Variants in SIK3 observed in about 807,000 individuals in gnomAD.
The protein encoded by SIK3 is serine/threonine-protein kinase SIK3.
A neutral mutation model predicts 144.2 loss-of-function variants in SIK3; 28 were observed. The ratio of observed to expected loss-of-function variants is 0.19; its 90% CI spans 0.14 to 0.27. SIK3 has a LOEUF of 0.27. Ranked by LOEUF, SIK3 falls within the 10% of genes least tolerant of loss-of-function variation. The pLI, the probability that SIK3 is intolerant of heterozygous loss-of-function variation, is 1.00. For missense variants in SIK3, 1,319 were observed against 1,776.0 expected, an observed-to-expected ratio of 0.74 and a Z score of 4.62; for synonymous variants, 686 against 676.3, an observed-to-expected ratio of 1.01 and a Z score of -0.22.
intron 4 of SIK3, among the ~76,000 whole-genome samples, chr11:116,917,532 G>C (rs1946709503): frequency 6.6e-6 from 1 of 151,868 alleles, no homozygotes; most frequent in African/African-American, 2.4e-5. Flanking sequence ...AGCAAAACGA[G>C]TCCCATCTCC....
At chr11:116,953,978 A>T in intron 3 of SIK3, 66 bp downstream of exon 3, 1 of 1,284,474 alleles carries the variant, frequency 7.8e-7, no homozygotes. Context: ...AAGGCACTGA[A>T]CAGCTATTTT....
rs1020984006 is a variant in SIK3 at position 116,863,655 on chromosome 11, C to T, written c.2103+13G>A. 9 of 1,613,942 alleles carry T rather than the reference C, an allele frequency of 5.6e-6. No individual in the cohort carries two copies. Among genetic ancestry groups the T allele is most frequent in the Non-Finnish European group, 7.6e-6 (9 of 1,179,990 alleles). On this transcript the variant is annotated intron_variant, in intron 16 of 24. Transcript: ENST00000445177. ...CATGCTCCTCCAGGGATGCCTGCCA[C>T]CTCTTCCATTACCTGCTGCAGCTGT...
chr11:117,036,436 C>T (rs1002432731), intron 1 of SIK3, among the ~76,000 whole-genome samples: 2 of 151,940 alleles, frequency 1.3e-5, no homozygotes, highest in African/African-American at 4.8e-5. Flanking sequence ...AAGAAAGAAG[C>T]CTTAAAATCC....
intron 1 of SIK3, among the ~76,000 whole-genome samples, chr11:116,993,216 C>G (rs994247417): frequency 6.6e-6 from 1 of 151,984 alleles, no homozygotes; most frequent in African/African-American, 2.4e-5. Flanking sequence ...CTTTAAAAAC[C>G]CCTCCCCACA....
At position 116,845,598 on chromosome 11, in the gene SIK3, C is replaced by T. The variant is rs1321727390; in HGVS notation, c.*45G>A. The stretch of plus-strand genomic sequence containing the variant: ...CTGCTAGATACTGTGGGTTTACAAT[C>T]AACCTTTTCATTCCCAAGCTGTACA... On this transcript the variant is annotated 3_prime_UTR_variant, in exon 25 of 25. Coordinates refer to ENST00000445177, the MANE Select transcript of SIK3 (RefSeq NM_001366686.3). The T allele has an allele frequency of 6.6e-6, 1 of 152,248 alleles. No homozygotes were observed. Among genetic ancestry groups the T allele is most frequent in the Non-Finnish European group, 1.5e-5 (1 of 68,042 alleles). 9.4% of individuals were successfully genotyped at this position (152,248 alleles called of 1,614,324 possible). A position where few individuals can be genotyped will look rare whatever the true frequency, so the allele number is the denominator to read the frequency against.
chr11:117,014,549 G>C (rs1386661012), intron 1 of SIK3, among the ~76,000 whole-genome samples: 1 of 151,754 alleles, frequency 6.6e-6, no homozygotes. Flanking sequence ...CTACAGAGGG[G>C]AAAAAAGATA....
chr11:116,886,635 C>T (rs145485140), intron 6 of SIK3, among the ~76,000 whole-genome samples: 60 of 152,286 alleles, frequency 3.9e-4, no homozygotes, highest in African/African-American at 1.2e-3. Context: ...CCTTCACTAA[C>T]GCTGCAGTTT....
intron 6 of SIK3, among the ~76,000 whole-genome samples, chr11:116,881,335 C>A (rs995628969): frequency 2.6e-5 from 4 of 152,002 alleles, no homozygotes; most frequent in African/African-American, 9.7e-5. Flanking sequence ...AAGCGGTCTC[C>A]GCAGTGAGAG....
intron 1 of SIK3, among the ~76,000 whole-genome samples, chr11:117,092,801 G>A (rs1475854134): frequency 5.3e-5 from 8 of 152,046 alleles, no homozygotes; most frequent in Non-Finnish European, 8.8e-5. Flanking sequence ...TCTCTTTTAC[G>A]CGATGAACTA....
At chr11:116,868,521 A>G (rs1319033240) in intron 14 of SIK3, among the ~76,000 whole-genome samples, 1 of 152,234 alleles carries the variant, frequency 6.6e-6, no homozygotes, top group Non-Finnish European at 1.5e-5. Context: ...GACTCTGTGC[A>G]TGTCTCTCGA....
rs757425181 is a variant in SIK3 at position 116,858,077 on chromosome 11, C to T, written c.3388G>A (p.Gly1130Arg). The T allele has an allele frequency of 1.6e-5, 26 of 1,613,568 alleles. 1 individual carries two copies. The Middle Eastern group carries it at 4.9e-4, about 31-fold the overall frequency. ...SQASSPTPPH[G>R]YAHQPALMHS... ...ATCAGTGCCGGCTGGTGAGCATACC[C>T]GTGGGGCGGGGTGGGTGAGGAAGCC... Residue 1130 changes from glycine (G) to arginine (R), a missense_variant, in exon 21 of 25, where the codon GGG (glycine) becomes AGG (arginine). Physicochemically the swap from Gly to Arg is moderately radical, Grantham distance 125. Around this residue, in one of 8 missense-constraint regions of SIK3, gnomAD observed 646 missense variants for 763.7 expected, o/e 0.85. Transcript: ENST00000445177. This position sits in a 1 kb window ranked among gnomAD's most constrained non-coding sequence, Gnocchi z 5.4.
At chr11:116,948,762 A>G (rs916236342) in intron 3 of SIK3, among the ~76,000 whole-genome samples, 2 of 151,806 alleles carry the variant, frequency 1.3e-5, no homozygotes, top group African/African-American at 4.8e-5. Flanking sequence ...TCTATTCTCT[A>G]TTTCATAATT....
chr11:116,940,231 GTTT>G (rs759117065), intron 3 of SIK3, among the ~76,000 whole-genome samples: 2 of 135,784 alleles, frequency 1.5e-5, no homozygotes. Flanking sequence ...AGGTTTTTTT[GTTT>G]TTTTTTTTTT....
At chr11:116,898,245 A>G (rs1209676527) in intron 4 of SIK3, among the ~76,000 whole-genome samples, 1 of 151,598 alleles carries the variant, frequency 6.6e-6, no homozygotes, top group Non-Finnish European at 1.5e-5. Flanking sequence ...TGTTCTTGCG[A>G]TAGTTTACTG....
intron 1 of SIK3, among the ~76,000 whole-genome samples, chr11:116,961,539 G>GTAAA (rs933270786): frequency 1.4e-4 from 21 of 152,124 alleles, no homozygotes; most frequent in African/African-American, 4.8e-4. Context: ...CACAACAAAG[G>GTAAA]TAAATCAGTA....
chr11:116,983,979 C>T (rs1273399875), intron 1 of SIK3, among the ~76,000 whole-genome samples: 2 of 139,590 alleles, frequency 1.4e-5, no homozygotes, highest in South Asian at 2.5e-4. Context: ...TGAGTCCAGG[C>T]GGCTGGGGCT....
At chr11:116,876,199 G>T (rs999992164) in intron 8 of SIK3, 54 bp downstream of exon 8, 8 of 1,540,840 alleles carry the variant, frequency 5.2e-6, no homozygotes, top group African/African-American at 1.4e-5. Context: ...AATGGAAAAA[G>T]CAGGTTAGAG....
chr11:117,012,487 C>A (rs887830235), intron 1 of SIK3, among the ~76,000 whole-genome samples: 1 of 152,202 alleles, frequency 6.6e-6, no homozygotes, highest in Non-Finnish European at 1.5e-5. Flanking sequence ...ACTTTAACTT[C>A]AGACTACTTT....
intron 22 of SIK3, 151 bp downstream of exon 22, chr11:116,848,969 G>GAA: frequency 2.2e-6 from 2 of 917,916 alleles, no homozygotes; most frequent in Admixed American, 3.5e-5. Context: ...TCTCAAAAAA[G>GAA]AAAAAAAAAG....
Sources: allele counts gnomAD v4.1 joint callset (sites outside exome capture counted in the v4.1 genomes callset), GRCh38; gene constraint gnomAD v4.1.1; regional missense constraint gnomAD v4.1.1; non-coding constraint Gnocchi (gnomAD v3.1); transcripts MANE v1.5; gene names NCBI Gene and HGNC (gene_info 2026-07-23, HGNC 2026-07-21).